Variants in IQCH observed in about 807,000 individuals in gnomAD.
IQCH encodes IQ motif containing H.
IQCH carries 98 observed loss-of-function variants against 117.0 expected under a neutral mutation model. The ratio of observed to expected loss-of-function variants is 0.84; its 90% CI spans 0.71 to 0.99. The LOEUF (loss-of-function observed/expected upper bound fraction) is 0.99. IQCH is among the 50% of genes least tolerant of loss of function. IQCH has a pLI of 0.00. For synonymous variants in IQCH, 412 were observed against 448.2 expected (o/e 0.92, Z 1.02); for missense variants, 1,102 against 1,243.8 (o/e 0.89, Z 1.72).
At position 67,490,060 on chromosome 15, in the gene IQCH, A is replaced by C; in HGVS notation, c.2857A>C (p.Met953Leu). ...YEHLKRHKLG[M>L]LTIGEDLQGV... is the part of the protein sequence containing the mutation. ...GCACCTGAAGAGACACAAGTTGGGA[A>C]TGTTGTGAGTATGAAGTGTATCTGT... The change falls in exon 19 of 21, where the codon ATG becomes CTG. Residue 953 changes from methionine to leucine, a missense_variant. Around this residue, in one of 2 missense-constraint regions of IQCH, gnomAD observed 650 missense variants for 794.3 expected, o/e 0.82. Coordinates refer to ENST00000335894, the MANE Select transcript of IQCH (RefSeq NM_001031715.3). The surrounding 1 kb of genome is among the most constrained non-coding windows in gnomAD (Gnocchi z 4.9). 1 of 1,606,612 alleles carries C rather than the reference A, an allele frequency of 6.2e-7. No individual in the cohort carries two copies. The highest frequency in any genetic ancestry group is 8.5e-7 in the Non-Finnish European group (1 of 1,174,012).
chr15:67,479,572 C>T lies in IQCH; in HGVS notation c.2799+3754C>T, dbSNP rs2083292733. Among the ~76,000 whole-genome samples the T allele has an allele frequency of 1.3e-5, 2 of 152,154 alleles. No homozygotes were observed. Among genetic ancestry groups the T allele is most frequent in the Admixed American group, 1.3e-4 (2 of 15,264 alleles). On this transcript the variant is annotated intron_variant, in intron 18 of 20. Coordinates refer to ENST00000335894, the MANE Select transcript of IQCH (RefSeq NM_001031715.3). The surrounding 1 kb of genome is among the most constrained non-coding windows in gnomAD (Gnocchi z 4.6). ...AGACTTCTTTTCATAGCCCCTATGACTATCTCTACATTAAAAAGGAGAAAA... is the reference window on the plus strand; with the variant it reads ...AGACTTCTTTTCATAGCCCCTATGATTATCTCTACATTAAAAAGGAGAAAA...
At position 67,404,898 on chromosome 15, in the gene IQCH, A is replaced by G. The variant is rs1340750160; in HGVS notation, c.2097+4593A>G. 1 of 152,212 alleles carries G rather than the reference A, an allele frequency of 6.6e-6. No individual in the cohort carries two copies. Among genetic ancestry groups the G allele is most frequent in the Non-Finnish European group, 1.5e-5 (1 of 68,038 alleles). The allele number at this position is 152,212 out of a possible 1,614,324, so 9.4% of individuals were successfully genotyped here. A position where few individuals can be genotyped will look rare whatever the true frequency, so the allele number is the denominator to read the frequency against. On this transcript the variant is annotated intron_variant, in intron 14 of 20. Transcript: ENST00000335894. The surrounding 1 kb of genome is among the most constrained non-coding windows in gnomAD (Gnocchi z 4.6). ...TACTTCCCGAGGAGAAAGACCCAGG[A>G]GTAGAATATTTTATGGCTTTTGTTA...
chr15:67,399,804 A>G (rs988487144), intron 13 of IQCH, among the ~76,000 whole-genome samples: 3 of 152,240 alleles, frequency 2.0e-5, no homozygotes. Flanking sequence ...AAACAATATC[A>G]AGATTCAATT....
In IQCH at chr15:67,480,732, G is replaced by A. The variant is rs75715219; in HGVS notation, c.2799+4914G>A. ...TGAAGTGAATTTATGAAATTATGAAGTGAAATTATGAAGTGGTGAAATATT... is the reference window on the plus strand; with the variant it reads ...TGAAGTGAATTTATGAAATTATGAAATGAAATTATGAAGTGGTGAAATATT... On this transcript the variant is annotated intron_variant, in intron 18 of 20. Transcript: ENST00000335894. Among the ~76,000 whole-genome samples the A allele has an allele frequency of 1.3e-3, 200 of 152,194 alleles. 1 individual carries two copies. The highest frequency in any genetic ancestry group is 2.1e-3 in the Admixed American group (32 of 15,282).
intron 8 of IQCH, among the ~76,000 whole-genome samples, chr15:67,371,827 T>C (rs1235185021): frequency 6.6e-6 from 1 of 152,182 alleles, no homozygotes; most frequent in African/African-American, 2.4e-5. Context: ...CAAAGTAAAC[T>C]AAATGCATAA....
intron 16 of IQCH, among the ~76,000 whole-genome samples, chr15:67,461,168 G>A (rs1310236467): frequency 1.3e-5 from 2 of 151,840 alleles, no homozygotes; most frequent in Non-Finnish European, 2.9e-5. Context: ...TTGAGGTCAG[G>A]AGTTGGAGAC....
rs369012492 is a variant in IQCH, at chr15:67,453,952, G to C, written c.2506-11175G>C. On this transcript the variant is annotated intron_variant, in intron 16 of 20. Transcript: ENST00000335894. This position sits in a 1 kb window ranked among gnomAD's most constrained non-coding sequence, Gnocchi z 5.8. ...TGGCGGGCACCCCTCCCCCAGCCTC[G>C]CTGCCGCCTTGCAGTTCGATCTGGG... Among the ~76,000 whole-genome samples, 1 of 152,192 alleles carries C rather than the reference G, an allele frequency of 6.6e-6. No homozygotes were observed. The highest frequency in any genetic ancestry group is 1.5e-5 in the Non-Finnish European group (1 of 68,022).
At chr15:67,275,341 A>G (rs1173088786) in intron 3 of IQCH, among the ~76,000 whole-genome samples, 1 of 152,274 alleles carries the variant, frequency 6.6e-6, no homozygotes, top group Non-Finnish European at 1.5e-5. Flanking sequence ...AGTCACGGAT[A>G]TAGAAATCTG....
intron 4 of IQCH, among the ~76,000 whole-genome samples, chr15:67,287,400 G>GA (rs1966603074): frequency 6.6e-6 from 1 of 152,090 alleles, no homozygotes; most frequent in East Asian, 1.9e-4. Flanking sequence ...ATCGGGTACT[G>GA]GGCTTTTCTT....
At chr15:67,255,070 G>C in intron 1 of IQCH, 123 bp downstream of exon 1, 3 of 963,544 alleles carry the variant, frequency 3.1e-6, no homozygotes, top group Non-Finnish European at 4.9e-6. Context: ...CCTCCAACTC[G>C]CGAGAGGCTC....
intron 9 of IQCH, 138 bp downstream of exon 9, chr15:67,372,800 C>T (rs1970595175): frequency 3.0e-6 from 2 of 673,064 alleles, no homozygotes; most frequent in East Asian, 2.6e-5. Context: ...GCCTTTCACT[C>T]CCCTCAATGT....
intron 20 of IQCH, among the ~76,000 whole-genome samples, chr15:67,499,518 G>A (rs929059751): frequency 6.6e-6 from 1 of 151,870 alleles, no homozygotes; most frequent in Non-Finnish European, 1.5e-5. Context: ...ATTTAAAATG[G>A]TATCACAGAT....
At chr15:67,492,481 G>A (rs1318535741) in intron 19 of IQCH, among the ~76,000 whole-genome samples, 1 of 152,180 alleles carries the variant, frequency 6.6e-6, no homozygotes, top group African/African-American at 2.4e-5. Context: ...CAGATGCGTG[G>A]AGGTCATCCT....
intron 17 of IQCH, among the ~76,000 whole-genome samples, chr15:67,471,429 G>A (rs1232976020): frequency 6.6e-6 from 1 of 151,924 alleles, no homozygotes; most frequent in East Asian, 1.9e-4. Context: ...AACTATACAT[G>A]AGCTTATTTG....
intron 16 of IQCH, among the ~76,000 whole-genome samples, chr15:67,444,405 C>T (rs1435984634): frequency 6.6e-6 from 1 of 152,162 alleles, no homozygotes; most frequent in Non-Finnish European, 1.5e-5. Context: ...AAAACAGACA[C>T]CACAAGAATG....
chr15:67,284,856 A>G (rs1234509513), intron 4 of IQCH, among the ~76,000 whole-genome samples: 1 of 152,092 alleles, frequency 6.6e-6, no homozygotes, highest in Non-Finnish European at 1.5e-5. Context: ...CCAGTCTATT[A>G]TTGATGGATA....
Position 67,356,856 on chromosome 15 carries a change from T to G in IQCH, c.638-489T>G, listed in dbSNP as rs1969906985. Among the ~76,000 whole-genome samples, 1 of 152,162 alleles carries G rather than the reference T, an allele frequency of 6.6e-6. No homozygotes were observed. Among genetic ancestry groups the G allele is most frequent in the Non-Finnish European group, 1.5e-5 (1 of 68,024 alleles). On this transcript the variant is annotated intron_variant, in intron 6 of 20. Transcript: ENST00000335894. The surrounding 1 kb of genome is among the most constrained non-coding windows in gnomAD (Gnocchi z 5.3). ...GTTGTTGCTTATAGACTTAACTAATTTCAAAAATAATCTTTATGGTGCTTT... is the reference window on the plus strand; with the variant it reads ...GTTGTTGCTTATAGACTTAACTAATGTCAAAAATAATCTTTATGGTGCTTT...
intron 8 of IQCH, among the ~76,000 whole-genome samples, chr15:67,362,862 G>A (rs983829828): frequency 1.3e-5 from 2 of 152,246 alleles, no homozygotes; most frequent in Non-Finnish European, 2.9e-5. Flanking sequence ...AAAACCACTA[G>A]ATGATATCTA....
chr15:67,357,310 C>G, intron 6 of IQCH, 35 bp from the exon 7 acceptor site: 1 of 1,441,644 alleles, frequency 6.9e-7, no homozygotes, highest in Non-Finnish European at 9.8e-7. Flanking sequence ...GCCTCTTCTT[C>G]TGGAAAAGGT....
Sources: allele counts gnomAD v4.1 joint callset (sites outside exome capture counted in the v4.1 genomes callset), GRCh38; gene constraint gnomAD v4.1.1; regional missense constraint gnomAD v4.1.1; non-coding constraint Gnocchi (gnomAD v3.1); transcripts MANE v1.5; gene names NCBI Gene and HGNC (gene_info 2026-07-23, HGNC 2026-07-21).